CDH18: variants seen among roughly 807,000 people sequenced by gnomAD.
CDH18 encodes the protein cadherin 18, also known as cadherin-18.
In CDH18, 31 loss-of-function variants were observed where a neutral mutation model predicts 67.9. The observed-to-expected ratio is 0.46, with a 90% CI of 0.34 to 0.62. The LOEUF (loss-of-function observed/expected upper bound fraction) is 0.62, where lower values mean the gene tolerates loss of function less well. Ranked by LOEUF, CDH18 falls within the 20% of genes least tolerant of loss-of-function variation. The probability of loss-of-function intolerance (pLI) is 0.01; values close to 1 mark genes in which losing one functional copy is unlikely to be tolerated. For synonymous variants in CDH18, 362 were observed against 347.2 expected, an observed-to-expected ratio of 1.04 and a Z score of -0.48; for missense variants, 890 against 975.5, an observed-to-expected ratio of 0.91 and a Z score of 1.17.
intron 1 of CDH18, among the ~76,000 whole-genome samples, chr5:20,538,903 T>G (rs1056645960): frequency 7.7e-5 from 10 of 129,162 alleles, no homozygotes; most frequent in African/African-American, 3.2e-4. Flanking sequence ...CAACTGTTTT[T>G]TTTTTGTTTT....
chr5:20,097,890 A>G (rs1255023466), intron 2 of CDH18, among the ~76,000 whole-genome samples: 1 of 152,092 alleles, frequency 6.6e-6, no homozygotes, highest in African/African-American at 2.4e-5. Context: ...GTTTTAGGAA[A>G]TTCGACTTTT....
At chr5:20,412,962 A>G (rs552057126) in intron 1 of CDH18, among the ~76,000 whole-genome samples, 8 of 152,084 alleles carry the variant, frequency 5.3e-5, no homozygotes, top group African/African-American at 1.4e-4. Context: ...TCCCTCCCCA[A>G]TCCCCGCACC....
At chr5:19,758,364 G>T (rs1561239411) in intron 3 of CDH18, among the ~76,000 whole-genome samples, 1 of 152,174 alleles carries the variant, frequency 6.6e-6, no homozygotes, top group East Asian at 1.9e-4. Flanking sequence ...AGATGGCAGG[G>T]CATTGCTCCA....
chr5:20,415,284 G>A (rs2150150113), intron 1 of CDH18, among the ~76,000 whole-genome samples: 1 of 152,194 alleles, frequency 6.6e-6, no homozygotes. Context: ...CTACTCGGGA[G>A]GCTGAGGCAG....
intron 2 of CDH18, among the ~76,000 whole-genome samples, chr5:19,843,991 T>C (rs1346619649): frequency 2.0e-5 from 3 of 152,244 alleles, no homozygotes; most frequent in Non-Finnish European, 2.9e-5. Flanking sequence ...ATTTATCCAA[T>C]GACTCTATCC....
At chr5:20,346,081 G>A (rs1358860657) in intron 1 of CDH18, among the ~76,000 whole-genome samples, 1 of 152,036 alleles carries the variant, frequency 6.6e-6, no homozygotes, top group Non-Finnish European at 1.5e-5. Flanking sequence ...TGAAAATGCA[G>A]CAGTAGTCCC....
rs181107595 is a variant in CDH18 at position 20,044,313 on chromosome 5, T to C, written c.-517-52299A>G. 4.6e-5 allele frequency among the ~76,000 whole-genome samples: 7 copies of C among 152,290 alleles called. No homozygotes were observed. The East Asian group carries it at 1.4e-3, about 29-fold the overall frequency. ...AATTCAAAAGAGGATTGGTAGAGAATAAAAACCATATGAATAAAATAAGGC... is the reference window on the plus strand; with the variant it reads ...AATTCAAAAGAGGATTGGTAGAGAACAAAAACCATATGAATAAAATAAGGC... On this transcript the variant is annotated intron_variant, in intron 2 of 14. Transcript: ENST00000507958.
chr5:19,598,300 T>A (rs1382205756), intron 6 of CDH18, among the ~76,000 whole-genome samples: 1 of 152,154 alleles, frequency 6.6e-6, no homozygotes, highest in East Asian at 1.9e-4. Flanking sequence ...CATCAACATA[T>A]AAACTTATGG....
intron 1 of CDH18, among the ~76,000 whole-genome samples, chr5:19,987,631 A>G (rs1310585387): frequency 7.2e-5 from 11 of 152,162 alleles, no homozygotes; most frequent in Admixed American, 2.6e-4. Context: ...CTGGAAAGGC[A>G]ATAATTAAAA....
intron 1 of CDH18, among the ~76,000 whole-genome samples, chr5:20,546,730 C>G (rs1757364963): frequency 3.5e-5 from 5 of 143,850 alleles, no homozygotes; most frequent in Admixed American, 2.9e-4. Context: ...CAGAGTCAAA[C>G]CATATCACAT....
intron 1 of CDH18, among the ~76,000 whole-genome samples, chr5:20,426,380 C>T (rs1748300839): frequency 6.6e-6 from 1 of 151,142 alleles, no homozygotes; most frequent in Non-Finnish European, 1.5e-5. Context: ...GAAATTATTG[C>T]AGTTTTTACT....
At chr5:20,356,368 G>A (rs1165808261) in intron 1 of CDH18, among the ~76,000 whole-genome samples, 1 of 152,066 alleles carries the variant, frequency 6.6e-6, no homozygotes, top group Non-Finnish European at 1.5e-5. Flanking sequence ...GGGCGAAAGA[G>A]CAAGACTCCA....
intron 5 of CDH18, among the ~76,000 whole-genome samples, chr5:19,670,054 C>T (rs1758525332): frequency 6.6e-6 from 1 of 151,854 alleles, no homozygotes; most frequent in Non-Finnish European, 1.5e-5. Context: ...GACATGAGGT[C>T]TTTAGAATGA....
At chr5:20,371,065 A>G (rs918252640) in intron 1 of CDH18, among the ~76,000 whole-genome samples, 4 of 152,012 alleles carry the variant, frequency 2.6e-5, no homozygotes, top group Admixed American at 2.6e-4. Flanking sequence ...GCATCAGTCC[A>G]GCCAATGTAT....
intron 3 of CDH18, among the ~76,000 whole-genome samples, chr5:19,796,766 C>A (rs1392897719): frequency 1.3e-5 from 2 of 151,966 alleles, no homozygotes; most frequent in East Asian, 3.9e-4. Context: ...TGAAGAAAGT[C>A]ACAGAACCAA....
chr5:19,562,992 G>A (rs1739716210), intron 8 of CDH18, among the ~76,000 whole-genome samples: 1 of 152,018 alleles, frequency 6.6e-6, no homozygotes, highest in Admixed American at 6.6e-5. Context: ...TTATTACTAA[G>A]ATGCTAAAGT....
At chr5:20,018,440 G>T (rs1738085566) in intron 2 of CDH18, among the ~76,000 whole-genome samples, 1 of 152,280 alleles carries the variant, frequency 6.6e-6, no homozygotes, top group Non-Finnish European at 1.5e-5. Flanking sequence ...AACATGTGAA[G>T]CATTACCACT....
At chr5:20,431,276 A>G (rs1050601678) in intron 1 of CDH18, among the ~76,000 whole-genome samples, 3 of 152,028 alleles carry the variant, frequency 2.0e-5, no homozygotes, top group Admixed American at 1.3e-4. Flanking sequence ...AGATCACTTG[A>G]GGTCAGGAGT....
Position 20,237,038 on chromosome 5 carries a change from A to G in CDH18, c.-518+18406T>C, listed in dbSNP as rs187662557. Among the ~76,000 whole-genome samples, 548 of 152,068 alleles carry G rather than the reference A, an allele frequency of 3.6e-3. 2 individuals carry two copies. The highest frequency in any genetic ancestry group is 4.4e-3 in the Non-Finnish European group (302 of 67,866). ...GCAAGCTAGATTTCTCACAGAAAAAAATCAATCAAAATGATACTCTACATA... is the reference window on the plus strand; with the variant it reads ...GCAAGCTAGATTTCTCACAGAAAAAGATCAATCAAAATGATACTCTACATA... On this transcript the variant is annotated intron_variant, in intron 2 of 14. Coordinates refer to the CDH18 transcript ENST00000507958.
Sources: allele counts gnomAD v4.1 joint callset (sites outside exome capture counted in the v4.1 genomes callset), GRCh38; gene constraint gnomAD v4.1.1; transcripts MANE v1.5; gene names NCBI Gene and HGNC (gene_info 2026-07-23, HGNC 2026-07-21).